Variants in CPEB1 observed in about 807,000 individuals in gnomAD.
The protein encoded by CPEB1 is cytoplasmic polyadenylation element binding protein 1.
Under a neutral mutation model 65.8 loss-of-function variants are expected in CPEB1, and 7 were observed. The ratio of observed to expected loss-of-function variants is 0.11; its 90% CI spans 0.06 to 0.20. The LOEUF (loss-of-function observed/expected upper bound fraction) is 0.20, where lower values mean the gene tolerates loss of function less well. CPEB1 is among the 10% of genes least tolerant of loss of function. CPEB1 has a pLI of 1.00. For missense variants in CPEB1, 551 were observed against 712.2 expected, an observed-to-expected ratio of 0.77 and a Z score of 2.58; for synonymous variants, 262 against 260.0, an observed-to-expected ratio of 1.01 and a Z score of -0.08.
At chr15:82,603,202 G>T (rs138812087) in intron 3 of CPEB1, among the ~76,000 whole-genome samples, 1 of 151,878 alleles carries the variant, frequency 6.6e-6, no homozygotes, top group Admixed American at 6.6e-5. Context: ...CCACTGAAAG[G>T]ACAAAACAGT....
At chr15:82,629,772 A>G in intron 1 of CPEB1, 2 of 985,460 alleles carry the variant, frequency 2.0e-6, no homozygotes, top group Non-Finnish European at 2.4e-6. Flanking sequence ...CAAAACAAGA[A>G]GAGGCCCAAT....
intron 3 of CPEB1, among the ~76,000 whole-genome samples, chr15:82,609,018 T>C (rs1217097769): frequency 6.6e-6 from 1 of 152,076 alleles, no homozygotes; most frequent in Non-Finnish European, 1.5e-5. Context: ...AAGAACAGAA[T>C]TAGAAGTCAG....
chr15:82,619,962 C>T (rs1464370902), intron 3 of CPEB1, among the ~76,000 whole-genome samples: 1 of 152,144 alleles, frequency 6.6e-6, no homozygotes, highest in Non-Finnish European at 1.5e-5. Flanking sequence ...AATAGCAGCA[C>T]TATTCGCAAT....
intron 1 of CPEB1, among the ~76,000 whole-genome samples, chr15:82,631,831 C>T (rs1385327506): frequency 1.3e-5 from 2 of 151,558 alleles, no homozygotes; most frequent in African/African-American, 4.8e-5. Flanking sequence ...ACTACAGGTT[C>T]AGTATCTCTC....
intron 3 of CPEB1, among the ~76,000 whole-genome samples, chr15:82,594,677 G>A (rs912572149): frequency 2.0e-5 from 3 of 152,168 alleles, no homozygotes; most frequent in African/African-American, 4.8e-5. Context: ...GGAACAAGAG[G>A]CCTAACTTTC....
intron 5 of CPEB1, 30 bp from the exon 6 acceptor site, chr15:82,556,152 T>C: frequency 6.4e-7 from 1 of 1,566,970 alleles, no homozygotes; most frequent in Non-Finnish European, 8.6e-7. Context: ...GACAGGGTTT[T>C]AAAGGCTAGT....
At chr15:82,571,573 G>T (rs1211920344) in intron 3 of CPEB1, 41 bp from the exon 4 acceptor site, 22 of 1,581,246 alleles carry the variant, frequency 1.4e-5, no homozygotes, top group Non-Finnish European at 1.8e-5. Context: ...CAGAGTTAAG[G>T]GCTGTTTTCC....
chr15:82,579,041 T>A (rs2040959731), intron 3 of CPEB1, among the ~76,000 whole-genome samples: 1 of 152,168 alleles, frequency 6.6e-6, no homozygotes, highest in African/African-American at 2.4e-5. Flanking sequence ...CAGGCTGGTC[T>A]TGAACTCCTG....
intron 4 of CPEB1, among the ~76,000 whole-genome samples, chr15:82,566,884 ACAGGG>A (rs2039219064): frequency 6.6e-6 from 1 of 152,062 alleles, no homozygotes; most frequent in Non-Finnish European, 1.5e-5. Context: ...CCTAGAAGCT[ACAGGG>A]CCCAAGATAC....
chr15:82,564,317 G>A (rs186546210), intron 4 of CPEB1, among the ~76,000 whole-genome samples: 28 of 151,874 alleles, frequency 1.8e-4, no homozygotes, highest in Admixed American at 9.8e-4. Context: ...ACGGAGTCTC[G>A]CTCTGTTGCC....
intron 3 of CPEB1, among the ~76,000 whole-genome samples, chr15:82,578,641 C>CA (rs2040915538): frequency 6.6e-6 from 1 of 151,940 alleles, no homozygotes; most frequent in South Asian, 2.1e-4. Flanking sequence ...CCTGTAGTCC[C>CA]AGCTACTCAG....
intron 3 of CPEB1, among the ~76,000 whole-genome samples, chr15:82,592,000 C>T (rs117504645): frequency 0.018 from 2,680 of 151,930 alleles, 28 homozygotes; most frequent in Non-Finnish European, 0.025. Flanking sequence ...TGTGCCACCA[C>T]ATCCAGCTAA....
chr15:82,608,082 A>G (rs1285949404), intron 3 of CPEB1, among the ~76,000 whole-genome samples: 1 of 152,240 alleles, frequency 6.6e-6, no homozygotes, highest in Non-Finnish European at 1.5e-5. Flanking sequence ...GAGAGAGCTT[A>G]GGGCCTTCTA....
At chr15:82,559,840 T>C (rs2037887192) in intron 4 of CPEB1, among the ~76,000 whole-genome samples, 1 of 152,114 alleles carries the variant, frequency 6.6e-6, no homozygotes, top group African/African-American at 2.4e-5. Flanking sequence ...TCCCAGCACT[T>C]TGGGAGGTTG....
chr15:82,574,722 CAAAA>C (rs534968367), intron 3 of CPEB1, among the ~76,000 whole-genome samples: 22 of 53,500 alleles, frequency 4.1e-4, no homozygotes, highest in East Asian at 7.5e-4. Context: ...GACTCGGTCT[CAAAA>C]AAAAAAAAAA....
chr15:82,618,309 T>C (rs543788393), intron 3 of CPEB1, among the ~76,000 whole-genome samples: 1 of 152,314 alleles, frequency 6.6e-6, no homozygotes, highest in South Asian at 2.1e-4. Flanking sequence ...TGTGTATATT[T>C]TGTCAACATA....
chr15:82,558,746 T>C (rs1021481674), intron 4 of CPEB1, among the ~76,000 whole-genome samples: 5 of 152,110 alleles, frequency 3.3e-5, no homozygotes, highest in African/African-American at 9.7e-5. Context: ...GCTCAATAAT[T>C]AGATACCAGA....
At chr15:82,593,327 G>A (rs2042412684) in intron 3 of CPEB1, among the ~76,000 whole-genome samples, 1 of 152,150 alleles carries the variant, frequency 6.6e-6, no homozygotes, top group Non-Finnish European at 1.5e-5. Context: ...TAAATCCTTT[G>A]TTGTCTTCAA....
intron 3 of CPEB1, among the ~76,000 whole-genome samples, chr15:82,575,334 TG>T (rs2040535057): frequency 6.6e-6 from 1 of 152,166 alleles, no homozygotes; most frequent in Admixed American, 6.5e-5. Context: ...GACGTAAAAG[TG>T]AAAGCTAAGT....
Sources: allele counts gnomAD v4.1 joint callset (sites outside exome capture counted in the v4.1 genomes callset), GRCh38; gene constraint gnomAD v4.1.1; transcripts MANE v1.5; gene names NCBI Gene and HGNC (gene_info 2026-07-23, HGNC 2026-07-21).